KIRREL1: variants seen among roughly 807,000 people sequenced by gnomAD.
KIRREL1 encodes the protein kirre like nephrin family adhesion molecule 1, also known as kin of IRRE-like protein 1.
Under a neutral mutation model 83.3 loss-of-function variants are expected in KIRREL1, and 25 were observed. The observed-to-expected ratio is 0.30, with a 90% CI of 0.22 to 0.42. KIRREL1 has a LOEUF of 0.42. Ranked by LOEUF, KIRREL1 falls within the 10% of genes least tolerant of loss-of-function variation. The probability of loss-of-function intolerance (pLI) is 1.00; values close to 1 mark genes in which losing one functional copy is unlikely to be tolerated. For missense variants in KIRREL1, 812 were observed against 1,032.3 expected (o/e 0.79, Z 2.92); for synonymous variants, 388 against 410.4 (o/e 0.95, Z 0.66).
chr1:158,075,947 C>A (rs979679875), intron 1 of KIRREL1, among the ~76,000 whole-genome samples, 166 bp from the exon 2 acceptor site: 1 of 152,164 alleles, frequency 6.6e-6, no homozygotes, highest in African/African-American at 2.4e-5. Flanking sequence ...AGGGTAAGGA[C>A]GTGGCATCTT....
intron 1 of KIRREL1, among the ~76,000 whole-genome samples, chr1:158,040,673 A>T (rs1660599208): frequency 6.6e-6 from 1 of 152,176 alleles, no homozygotes; most frequent in East Asian, 1.9e-4. Context: ...TCAGGTGAAA[A>T]TGGAGGGGAA....
rs113375592 is a variant in KIRREL1, at chr1:158,000,063, T to TGG, written c.52+6338_52+6339dup. Among the ~76,000 whole-genome samples, 270 of 147,756 alleles carry TGG rather than the reference T, an allele frequency of 1.8e-3. 1 individual carries two copies. Among genetic ancestry groups the TGG allele is most frequent in the East Asian group, 5.6e-3 (27 of 4,830 alleles). On this transcript the variant is annotated intron_variant, in intron 1 of 14. Coordinates refer to ENST00000359209, the MANE Select transcript of KIRREL1 (RefSeq NM_018240.7). The stretch of plus-strand genomic sequence containing the variant: ...AGAACTAGAACCCAAGCAGGAAAGA[T>TGG]GGGGTGGGGGCTGAGGATAATTCCT...
At chr1:158,022,546 C>G (rs979912657) in intron 1 of KIRREL1, among the ~76,000 whole-genome samples, 1 of 152,188 alleles carries the variant, frequency 6.6e-6, no homozygotes, top group African/African-American at 2.4e-5. Flanking sequence ...TTCACTTTCC[C>G]TATTGAATTT....
chr1:158,010,311 G>C (rs999065512), intron 1 of KIRREL1, among the ~76,000 whole-genome samples: 1 of 143,938 alleles, frequency 6.9e-6, no homozygotes, highest in East Asian at 2.1e-4. Context: ...AAGGAGAGCA[G>C]GAGTCCCCAC....
chr1:158,095,015 G>A lies in KIRREL1; in HGVS notation c.2169G>A (p.Ala723=), dbSNP rs747928597. 1.2e-5 allele frequency: 19 copies of A among 1,613,830 alleles called. No homozygotes were observed. The Admixed American group carries it at 1.3e-4, about 11-fold the overall frequency. The change falls in exon 15 of 15, where the codon GCG becomes GCA. Residue 723 remains alanine (A), a synonymous_variant. Coordinates refer to ENST00000359209, the MANE Select transcript of KIRREL1 (RefSeq NM_018240.7). ...PSGLERTPYE[A]YDPIGKYATA... The stretch of plus-strand genomic sequence containing the variant: ...GCCTGGAGCGGACCCCATATGAGGC[G>A]TATGACCCCATTGGCAAGTACGCCA...
In KIRREL1 at chr1:158,094,767, C is replaced by G. The variant is rs764033405; in HGVS notation, c.1921C>G (p.Leu641Val). 3.2e-5 allele frequency: 52 copies of G among 1,613,888 alleles called. No homozygotes were observed. Among genetic ancestry groups the G allele is most frequent in the Middle Eastern group, 3.3e-4 (2 of 6,084 alleles). Reference protein sequence around the residue: ...ARFDGRPSSRLSHSSGYAQLN... With the variant: ...ARFDGRPSSRVSHSSGYAQLN... ...CTTCGACGGCCGCCCCTCATCCCGT[C>G]TCTCCCACTCCAGCGGCTATGCCCA... Residue 641 changes from leucine to valine, a missense_variant, in exon 15 of 15, where the codon CTC (leucine) becomes GTC (valine). Leu to Val is a conservative substitution (Grantham distance 32). Around this residue, in one of 3 missense-constraint regions of KIRREL1, gnomAD observed 334 missense variants for 383.7 expected, o/e 0.87. Coordinates refer to ENST00000359209, the MANE Select transcript of KIRREL1 (RefSeq NM_018240.7). This position sits in a 1 kb window ranked among gnomAD's most constrained non-coding sequence, Gnocchi z 4.6.
In KIRREL1 at chr1:158,055,662, T is replaced by C. The variant is rs1661036756; in HGVS notation, c.53-20451T>C. ...TGTAATTATGAGCAGAATTTATATG[T>C]CGCCAGGGCTGCCTAGGCGCCCTCC... is the stretch of plus-strand genomic sequence containing the variant. On this transcript the variant is annotated intron_variant, in intron 1 of 14. Coordinates refer to ENST00000359209, the MANE Select transcript of KIRREL1 (RefSeq NM_018240.7). Among the ~76,000 whole-genome samples the C allele has an allele frequency of 1.3e-5, 2 of 152,182 alleles. 1 individual carries two copies. Among genetic ancestry groups the C allele is most frequent in the South Asian group, 4.1e-4 (2 of 4,820 alleles).
chr1:157,997,880 G>A (rs1339167351), intron 1 of KIRREL1, among the ~76,000 whole-genome samples: 1 of 152,148 alleles, frequency 6.6e-6, no homozygotes, highest in Non-Finnish European at 1.5e-5. Context: ...GAGAAACTGA[G>A]ATTTATTTAT....
rs140084287 is a variant in KIRREL1 at position 158,007,815 on chromosome 1, G to A, written c.52+14087G>A. ...AGCTGGCCATCCACCAGCAGCCCCT[G>A]TGCCCTCGCTTCTCTCTGCCCCCGA... On this transcript the variant is annotated intron_variant, in intron 1 of 14. Coordinates refer to ENST00000359209, the MANE Select transcript of KIRREL1 (RefSeq NM_018240.7). 1.4e-4 allele frequency among the ~76,000 whole-genome samples: 21 copies of A among 152,098 alleles called. No individual in the cohort carries two copies. In the East Asian group the frequency reaches 3.9e-3, roughly 28 times the overall value.
chr1:158,018,965 G>A (rs755766312), intron 1 of KIRREL1, among the ~76,000 whole-genome samples: 3 of 152,142 alleles, frequency 2.0e-5, no homozygotes. Flanking sequence ...GTTACATAAG[G>A]TTCATTCGGA....
chr1:158,069,932 C>T (rs1414609089), intron 1 of KIRREL1, among the ~76,000 whole-genome samples: 1 of 152,198 alleles, frequency 6.6e-6, no homozygotes, highest in Non-Finnish European at 1.5e-5. Context: ...TGCTGGTAGC[C>T]ACTGGTGGCC....
At chr1:158,050,813 T>C (rs562996817) in intron 1 of KIRREL1, among the ~76,000 whole-genome samples, 3 of 152,174 alleles carry the variant, frequency 2.0e-5, no homozygotes, top group African/African-American at 7.2e-5. Flanking sequence ...GAGAATTGGA[T>C]TAAATTATCT....
intron 1 of KIRREL1, among the ~76,000 whole-genome samples, chr1:158,047,110 C>T (rs1660798586): frequency 6.6e-6 from 1 of 152,168 alleles, no homozygotes; most frequent in Non-Finnish European, 1.5e-5. Flanking sequence ...TTTTATGTGA[C>T]TCCATAGAGA....
chr1:158,021,583 C>A (rs1660004020), intron 1 of KIRREL1, among the ~76,000 whole-genome samples: 1 of 152,142 alleles, frequency 6.6e-6, no homozygotes, highest in South Asian at 2.1e-4. Flanking sequence ...ATGTGTAAGT[C>A]TGTAATTGAG....
intron 1 of KIRREL1, among the ~76,000 whole-genome samples, chr1:158,048,437 G>C (rs918493987): frequency 2.6e-5 from 4 of 152,210 alleles, no homozygotes; most frequent in African/African-American, 9.7e-5. Context: ...AAGGAGGAGA[G>C]AAACAAGACT....
chr1:158,020,689 GTT>G (rs991360915), intron 1 of KIRREL1, among the ~76,000 whole-genome samples: 1 of 140,902 alleles, frequency 7.1e-6, no homozygotes, highest in African/African-American at 2.6e-5. Context: ...TATAATTAAT[GTT>G]TAACTCAAAG....
In KIRREL1 at chr1:158,097,089, T is replaced by C. The variant is rs919515581; in HGVS notation, c.*1969T>C. 1.1e-5 allele frequency: 5 copies of C among 456,686 alleles called. No homozygotes were observed. The East Asian group carries it at 3.5e-4, about 32-fold the overall frequency. 28.3% of individuals were successfully genotyped at this position (456,686 alleles called of 1,614,324 possible). A position where few individuals can be genotyped will look rare whatever the true frequency, so the allele number is the denominator to read the frequency against. On this transcript the variant is annotated 3_prime_UTR_variant, in exon 15 of 15. Coordinates refer to ENST00000359209, the MANE Select transcript of KIRREL1 (RefSeq NM_018240.7). ...CCTTCATTTCAGCAGGGAAAACTCC[T>C]GTGGAGTGGGCCCTATCTGGGGCAT...
chr1:158,001,578 G>A (rs927545327), intron 1 of KIRREL1, among the ~76,000 whole-genome samples: 8 of 152,178 alleles, frequency 5.3e-5, no homozygotes, highest in Non-Finnish European at 5.9e-5. Flanking sequence ...CCAGAGAAGG[G>A]ACTTTGCTGT....
chr1:158,039,125 C>T (rs1232865477), intron 1 of KIRREL1, among the ~76,000 whole-genome samples: 1 of 152,194 alleles, frequency 6.6e-6, no homozygotes, highest in East Asian at 1.9e-4. Flanking sequence ...CTTTCCAACA[C>T]TGAGGCTCTG....
Sources: gnomAD v4.1 joint callset for allele counts (sites outside exome capture counted in the v4.1 genomes callset) on GRCh38, gnomAD v4.1.1 for gene constraint, gnomAD v4.1.1 regional missense constraint, Gnocchi (gnomAD v3.1) non-coding constraint, MANE v1.5 for transcripts, NCBI Gene and HGNC (gene_info 2026-07-23, HGNC 2026-07-21) for gene names.